The following NSUN6 variants were observed in gnomAD, a reference collection of about 807,000 sequenced individuals.
The protein encoded by NSUN6 is NOP2/Sun RNA methyltransferase 6.
NSUN6 carries 64 observed loss-of-function variants against 58.0 expected under a neutral mutation model. The observed-to-expected ratio is 1.10, with a 90% CI of 0.90 to 1.36. The LOEUF is 1.36. NSUN6 is among the 40% of genes most tolerant of loss of function. The pLI, the probability that NSUN6 is intolerant of heterozygous loss-of-function variation, is 0.00. For missense variants in NSUN6, 701 were observed against 550.1 expected (o/e 1.27, Z -2.74); for synonymous variants, 231 against 193.9 (o/e 1.19, Z -1.59).
intron 3 of NSUN6, among the ~76,000 whole-genome samples, chr10:18,641,499 G>A (rs900385208): frequency 7.3e-5 from 11 of 151,398 alleles, no homozygotes; most frequent in Non-Finnish European, 1.5e-4. Flanking sequence ...CTGAATAGCC[G>A]TGACGACAGG....
chr10:18,656,483 G>A (rs1026736180), upstream of NSUN6, among the ~76,000 whole-genome samples: 2 of 152,166 alleles, frequency 1.3e-5, no homozygotes, highest in African/African-American at 4.8e-5. Context: ...GTTGCAGTGA[G>A]CTGAGATCAC....
chr10:18,616,140 A>T, intron 4 of NSUN6, 44 bp downstream of exon 4: 2 of 1,108,842 alleles, frequency 1.8e-6, no homozygotes, highest in South Asian at 1.3e-5. Flanking sequence ...AAATGCACAT[A>T]AATTTTAGAG....
At chr10:18,593,557 G>A (rs2057459668) in intron 7 of NSUN6, among the ~76,000 whole-genome samples, 1 of 152,098 alleles carries the variant, frequency 6.6e-6, no homozygotes, top group African/African-American at 2.4e-5. Context: ...GTCCTTTACA[G>A]GGACATGGAT....
chr10:18,650,148 A>T (rs1303232512), intron 1 of NSUN6, among the ~76,000 whole-genome samples: 1 of 152,222 alleles, frequency 6.6e-6, no homozygotes, highest in Non-Finnish European at 1.5e-5. Context: ...AATTGCAAAC[A>T]AAATTAACAT....
chr10:18,580,559 C>T (rs1043685516), intron 8 of NSUN6, among the ~76,000 whole-genome samples: 1 of 152,160 alleles, frequency 6.6e-6, no homozygotes. Flanking sequence ...AAGCTCTACC[C>T]AGGCACAGTA....
chr10:18,623,640 T>C (rs1420733154), intron 3 of NSUN6, among the ~76,000 whole-genome samples: 2 of 152,178 alleles, frequency 1.3e-5, no homozygotes, highest in African/African-American at 4.8e-5. Flanking sequence ...TTGTCAGAAA[T>C]GGCATAACCA....
rs1461548360 is a variant in NSUN6, at chr10:18,551,914, C to T, written c.980G>A (p.Ser327Asn). The T allele has an allele frequency of 1.2e-6, 2 of 1,610,812 alleles. No individual in the cohort carries two copies. Among genetic ancestry groups the T allele is most frequent in the South Asian group, 2.2e-5 (2 of 90,874 alleles). Residue 327 changes from serine (S) to asparagine (N), a missense_variant, in exon 9 of 11, where the codon AGT becomes AAT. Physicochemically the swap from Ser to Asn is conservative, Grantham distance 46. Transcript: ENST00000377304. ...FDRILLDAPC[S>N]GMGQRPNMAC... is the part of the protein sequence containing the mutation. ...CATGTTTGGTCTCTGTCCCATTCCA[C>T]TACAGGGTGCATCCAGAAGAATTCG... is the stretch of plus-strand genomic sequence containing the variant.
At chr10:18,647,315 A>G (rs2059573804) in intron 2 of NSUN6, among the ~76,000 whole-genome samples, 1 of 152,208 alleles carries the variant, frequency 6.6e-6, no homozygotes, top group African/African-American at 2.4e-5. Flanking sequence ...CTCAGACACA[A>G]ATAAGGCAGA....
Position 18,545,685 on chromosome 10 carries a change from A to T in NSUN6, c.*248T>A, listed in dbSNP as rs2133362642. Reference sequence around the variant, plus strand: ...AAATATGCTCCAGACATCTATAGGCATCTGCTTTTCTTTATACTCTACTAA... The same window carrying T: ...AAATATGCTCCAGACATCTATAGGCTTCTGCTTTTCTTTATACTCTACTAA... On this transcript the variant is annotated 3_prime_UTR_variant, in exon 11 of 11. Transcript: ENST00000377304. 2.8e-6 allele frequency: 1 copy of T among 354,168 alleles called. No homozygotes were observed. Among genetic ancestry groups the T allele is most frequent in the East Asian group, 6.0e-5 (1 of 16,636 alleles). The allele number at this position is 354,168 out of a possible 1,614,324, so 21.9% of individuals were successfully genotyped here.
chr10:18,565,250 T>C lies in NSUN6; in HGVS notation c.923-13279A>G, dbSNP rs575647940. Reference sequence around the variant, plus strand: ...CCATACCATTCTCCATTCCATTCCGTTTTCCATTCCAGTTCATTCCGTAAT... The same window carrying C: ...CCATACCATTCTCCATTCCATTCCGCTTTCCATTCCAGTTCATTCCGTAAT... On this transcript the variant is annotated intron_variant, in intron 8 of 10. Transcript: ENST00000377304. Among the ~76,000 whole-genome samples, 10 of 151,272 alleles carry C rather than the reference T, an allele frequency of 6.6e-5. No individual in the cohort carries two copies. The South Asian group carries it at 1.9e-3, about 28-fold the overall frequency.
chr10:18,655,707 T>C (rs547970225), upstream of NSUN6, among the ~76,000 whole-genome samples: 15 of 152,194 alleles, frequency 9.9e-5, no homozygotes, highest in Admixed American at 4.6e-4. Flanking sequence ...CTTCAAGAAA[T>C]TGAGTCAGCT....
At chr10:18,566,260 C>A (rs111068281) in intron 8 of NSUN6, among the ~76,000 whole-genome samples, 1 of 147,636 alleles carries the variant, frequency 6.8e-6, no homozygotes, top group African/African-American at 2.5e-5. Flanking sequence ...CATTCCATTC[C>A]GTTCTCCATT....
chr10:18,588,399 G>A (rs542831203), intron 7 of NSUN6, among the ~76,000 whole-genome samples: 1 of 152,182 alleles, frequency 6.6e-6, no homozygotes, highest in Non-Finnish European at 1.5e-5. Flanking sequence ...TCCTGACAAG[G>A]GGGATTCTCC....
In NSUN6 at chr10:18,614,552, T is replaced by G; in HGVS notation, c.483A>C (p.Gly161=). ...YSDIKGKCKK[G]AKEFDGTKVF... The stretch of plus-strand genomic sequence containing the variant: ...CTTTTGTTCCATCAAATTCTTTGGC[T>G]CCTTTCTTACATTTTCCTTTAATAT... Residue 161 remains glycine (G), a synonymous_variant, in exon 5 of 11, where the codon GGA becomes GGC. Transcript: ENST00000377304. 6.6e-7 allele frequency: 1 copy of G among 1,524,288 alleles called. No individual in the cohort carries two copies. The highest frequency in any genetic ancestry group is 8.9e-7 in the Non-Finnish European group (1 of 1,127,026). 94.4% of individuals were successfully genotyped at this position (1,524,288 alleles called of 1,614,324 possible).
intron 7 of NSUN6, among the ~76,000 whole-genome samples, chr10:18,591,257 A>T (rs1205311228): frequency 6.6e-6 from 1 of 152,194 alleles, no homozygotes; most frequent in Non-Finnish European, 1.5e-5. Context: ...TACCAACTAA[A>T]AAAAGCCCAG....
rs551730114 is a variant in NSUN6 at position 18,631,118 on chromosome 10, T to C, written c.311+11358A>G. ...TTCATTATACCCAAATCAATAAATGTAATCCAGCATATAAACAGAACCAAA... is the reference window on the plus strand; with the variant it reads ...TTCATTATACCCAAATCAATAAATGCAATCCAGCATATAAACAGAACCAAA... On this transcript the variant is annotated intron_variant, in intron 3 of 10. Coordinates refer to ENST00000377304, the MANE Select transcript of NSUN6 (RefSeq NM_182543.5). Among the ~76,000 whole-genome samples, 175 of 152,336 alleles carry C rather than the reference T, an allele frequency of 1.1e-3. 2 individuals carry two copies. The highest frequency in any genetic ancestry group is 3.9e-3 in the African/African-American group (161 of 41,586).
intron 9 of NSUN6, among the ~76,000 whole-genome samples, 197 bp from the exon 10 acceptor site, chr10:18,548,434 G>C (rs2054419084): frequency 6.6e-6 from 1 of 152,106 alleles, no homozygotes; most frequent in African/African-American, 2.4e-5. Context: ...TCATTATCTT[G>C]GAACTGTCAT....
intron 3 of NSUN6, among the ~76,000 whole-genome samples, chr10:18,620,364 G>C (rs1001567408): frequency 8.5e-5 from 13 of 152,134 alleles, no homozygotes; most frequent in Non-Finnish European, 1.9e-4. Flanking sequence ...TGGGATTACA[G>C]GCATGAGCCA....
At chr10:18,622,155 T>C (rs556641598) in intron 3 of NSUN6, among the ~76,000 whole-genome samples, 2 of 152,168 alleles carry the variant, frequency 1.3e-5, no homozygotes, top group Admixed American at 6.5e-5. Flanking sequence ...GAACTCAATG[T>C]GATGGTATTT....
Sources: allele counts gnomAD v4.1 joint callset (sites outside exome capture counted in the v4.1 genomes callset), GRCh38; gene constraint gnomAD v4.1.1; transcripts MANE v1.5; gene names NCBI Gene and HGNC (gene_info 2026-07-23, HGNC 2026-07-21).